The following MMP16 variants were observed in gnomAD, a reference collection of about 807,000 sequenced individuals.
The protein encoded by MMP16 is matrix metalloproteinase-16.
Under a neutral mutation model 67.8 loss-of-function variants are expected in MMP16, and 12 were observed. The observed-to-expected ratio is 0.18, with a 90% CI of 0.11 to 0.29. The LOEUF is 0.29. MMP16 is among the 10% of genes least tolerant of loss of function. MMP16 has a pLI of 1.00. For synonymous variants in MMP16, 249 were observed against 255.9 expected, an observed-to-expected ratio of 0.97 and a Z score of 0.26; for missense variants, 475 against 765.7, an observed-to-expected ratio of 0.62 and a Z score of 4.48.
intron 7 of MMP16, among the ~76,000 whole-genome samples, chr8:88,059,286 G>A (rs1808367546): frequency 6.6e-6 from 1 of 151,974 alleles, no homozygotes; most frequent in Non-Finnish European, 1.5e-5. Flanking sequence ...ATCACATAAA[G>A]GAAGAGGGAA....
chr8:88,263,362 T>G (rs369079787), intron 1 of MMP16, among the ~76,000 whole-genome samples: 2 of 152,300 alleles, frequency 1.3e-5, no homozygotes, highest in Admixed American at 6.5e-5. Context: ...TCTGGCTGAT[T>G]ACTTAGAGCA....
intron 1 of MMP16, among the ~76,000 whole-genome samples, chr8:88,214,419 T>C (rs1399509915): frequency 6.6e-6 from 1 of 152,196 alleles, no homozygotes; most frequent in African/African-American, 2.4e-5. Flanking sequence ...CAACTGCTTG[T>C]GTACAGTGAA....
intron 4 of MMP16, among the ~76,000 whole-genome samples, chr8:88,150,835 A>C (rs1320130978): frequency 1.3e-5 from 2 of 150,156 alleles, no homozygotes; most frequent in Admixed American, 6.7e-5. Context: ...TAACATCATA[A>C]TGACAGGATC....
intron 1 of MMP16, among the ~76,000 whole-genome samples, chr8:88,237,627 C>T (rs1273772794): frequency 1.3e-5 from 2 of 151,294 alleles, no homozygotes; most frequent in African/African-American, 2.4e-5. Flanking sequence ...CCAGCCTGGG[C>T]GACAGAGTGA....
At chr8:88,235,917 G>A (rs55736439) in intron 1 of MMP16, among the ~76,000 whole-genome samples, 37,392 of 150,422 alleles carry the variant, frequency 0.25, 6,186 homozygotes, top group East Asian at 0.52. Flanking sequence ...AAAAAAAAAA[G>A]TTTCATATAT....
At chr8:88,088,767 T>A (rs1422666820) in intron 6 of MMP16, among the ~76,000 whole-genome samples, 1 of 152,070 alleles carries the variant, frequency 6.6e-6, no homozygotes, top group Non-Finnish European at 1.5e-5. Flanking sequence ...ACACACAACT[T>A]GCTGTGGAGT....
rs1401810158 is a variant in MMP16 at position 88,039,342 on chromosome 8, G to A, written c.*2119C>T. Reference sequence around the variant, plus strand: ...AAATTAAAATTCACTTCTACCTATAGGGCATTTTCAGAGTGTGCATGTAAA... The same window carrying A: ...AAATTAAAATTCACTTCTACCTATAAGGCATTTTCAGAGTGTGCATGTAAA... On this transcript the variant is annotated 3_prime_UTR_variant, in exon 10 of 10. Transcript: ENST00000286614. This position sits in a 1 kb window ranked among gnomAD's most constrained non-coding sequence, Gnocchi z 4.5. 1 of 152,240 alleles carries A rather than the reference G, an allele frequency of 6.6e-6. No individual in the cohort carries two copies. The highest frequency in any genetic ancestry group is 1.5e-5 in the Non-Finnish European group (1 of 67,968). The allele number at this position is 152,240 out of a possible 1,614,324, so 9.4% of individuals were successfully genotyped here.
chr8:88,179,530 G>A (rs1808945681), intron 3 of MMP16, among the ~76,000 whole-genome samples: 1 of 151,748 alleles, frequency 6.6e-6, no homozygotes, highest in South Asian at 2.1e-4. Flanking sequence ...AAGATCATTA[G>A]GGAAGGAATA....
chr8:88,224,637 C>G (rs575895384), intron 1 of MMP16, among the ~76,000 whole-genome samples: 1 of 151,964 alleles, frequency 6.6e-6, no homozygotes, highest in Admixed American at 6.6e-5. Flanking sequence ...CAAATTCAAG[C>G]AAGTAACCTA....
At chr8:88,121,542 C>A (rs1807831313) in intron 4 of MMP16, among the ~76,000 whole-genome samples, 1 of 151,956 alleles carries the variant, frequency 6.6e-6, no homozygotes, top group Non-Finnish European at 1.5e-5. Flanking sequence ...GACCTCTTTC[C>A]AAATGATGAA....
intron 1 of MMP16, among the ~76,000 whole-genome samples, chr8:88,314,647 G>C (rs886902559): frequency 6.6e-6 from 1 of 152,170 alleles, no homozygotes; most frequent in Admixed American, 6.5e-5. Flanking sequence ...TTTGCCCTAA[G>C]AAGTATGGGG....
chr8:88,128,197 G>A (rs1307037395), intron 4 of MMP16, among the ~76,000 whole-genome samples: 1 of 151,554 alleles, frequency 6.6e-6, no homozygotes, highest in African/African-American at 2.4e-5. Context: ...GCATATGAGA[G>A]GAATAATTAG....
intron 1 of MMP16, among the ~76,000 whole-genome samples, chr8:88,229,202 C>G (rs578163647): frequency 6.6e-6 from 1 of 151,916 alleles, no homozygotes; most frequent in Non-Finnish European, 1.5e-5. Flanking sequence ...ACTGTTGTTA[C>G]TTTATTTGAT....
At chr8:88,127,838 G>C (rs1417868645) in intron 4 of MMP16, among the ~76,000 whole-genome samples, 2 of 151,870 alleles carry the variant, frequency 1.3e-5, no homozygotes, top group East Asian at 3.9e-4. Flanking sequence ...AACACATCTA[G>C]ATTGTAGTTC....
chr8:88,151,788 A>T (rs1314257462), intron 4 of MMP16, among the ~76,000 whole-genome samples: 3 of 149,736 alleles, frequency 2.0e-5, no homozygotes, highest in African/African-American at 4.9e-5. Flanking sequence ...ACACCCTAAC[A>T]TCACAATTAA....
intron 1 of MMP16, 121 bp downstream of exon 1, chr8:88,326,954 G>C: frequency 7.5e-7 from 1 of 1,326,714 alleles, no homozygotes; most frequent in Admixed American, 1.9e-5. Context: ...TCCACAGCTG[G>C]AAGGGAAACA....
intron 1 of MMP16, among the ~76,000 whole-genome samples, chr8:88,257,920 T>C (rs1352538529): frequency 6.6e-6 from 1 of 152,132 alleles, no homozygotes; most frequent in Non-Finnish European, 1.5e-5. Flanking sequence ...TTTTCAACTC[T>C]GAAATAAAAA....
chr8:88,148,724 A>T (rs1334114354), intron 4 of MMP16, among the ~76,000 whole-genome samples: 2 of 132,574 alleles, frequency 1.5e-5, no homozygotes, highest in Non-Finnish European at 3.2e-5. Context: ...TTGCTTATCT[A>T]TTTCTTTAGT....
At chr8:88,199,091 T>A (rs1023387028) in intron 1 of MMP16, among the ~76,000 whole-genome samples, 5 of 152,094 alleles carry the variant, frequency 3.3e-5, no homozygotes, top group African/African-American at 1.2e-4. Context: ...AACACTTTGT[T>A]TGCATTCATT....
Sources: gnomAD v4.1 joint callset for allele counts (sites outside exome capture counted in the v4.1 genomes callset) on GRCh38, gnomAD v4.1.1 for gene constraint, Gnocchi (gnomAD v3.1) non-coding constraint, MANE v1.5 for transcripts, NCBI Gene and HGNC (gene_info 2026-07-23, HGNC 2026-07-21) for gene names.